The following SLC8A1 variants were observed in gnomAD, a reference collection of about 807,000 sequenced individuals.
SLC8A1 encodes the protein sodium/calcium exchanger 1.
In SLC8A1, 18 loss-of-function variants were observed where a neutral mutation model predicts 68.3. The observed-to-expected ratio is 0.26, with a 90% CI of 0.18 to 0.39. The LOEUF (loss-of-function observed/expected upper bound fraction) is 0.39, where lower values mean the gene tolerates loss of function less well. Among genes scored for constraint, SLC8A1 ranks in the 10% least tolerant of loss-of-function variants. The pLI is 1.00. For synonymous variants in SLC8A1, 475 were observed against 415.5 expected (o/e 1.14, Z -1.74); for missense variants, 985 against 1,156.7 (o/e 0.85, Z 2.15).
At chr2:40,125,418 A>C (rs2037871996) in intron 7 of SLC8A1, among the ~76,000 whole-genome samples, 1 of 152,134 alleles carries the variant, frequency 6.6e-6, no homozygotes, top group African/African-American at 2.4e-5. Context: ...AACTTCACCC[A>C]CTATGAAAGT....
chr2:40,273,879 TTTC>T (rs2066361872), intron 2 of SLC8A1, among the ~76,000 whole-genome samples: 1 of 149,968 alleles, frequency 6.7e-6, no homozygotes, highest in Admixed American at 6.6e-5. Context: ...TTTTTTTTTT[TTTC>T]CATTTTAGTT....
At chr2:40,126,445 G>A (rs1311130227) in intron 7 of SLC8A1, among the ~76,000 whole-genome samples, 1 of 152,186 alleles carries the variant, frequency 6.6e-6, no homozygotes, top group Non-Finnish European at 1.5e-5. Context: ...GGGTCTGTGG[G>A]AGAAGAATCC....
At chr2:40,239,988 T>A (rs189799260) in intron 2 of SLC8A1, among the ~76,000 whole-genome samples, 8 of 152,316 alleles carry the variant, frequency 5.3e-5, no homozygotes, top group Non-Finnish European at 1.0e-4. Context: ...GTCATGTGAA[T>A]GAAATGTCCC....
chr2:40,140,974 C>T (rs1311145465), intron 6 of SLC8A1, among the ~76,000 whole-genome samples: 1 of 152,130 alleles, frequency 6.6e-6, no homozygotes, highest in Non-Finnish European at 1.5e-5. Context: ...AAATAATGCC[C>T]ATTGACATGT....
intron 1 of SLC8A1, among the ~76,000 whole-genome samples, chr2:40,508,805 C>T (rs954300998): frequency 6.6e-6 from 1 of 152,290 alleles, no homozygotes; most frequent in African/African-American, 2.4e-5. Context: ...ATTAGACTGG[C>T]AACCACTTTT....
At chr2:40,220,718 T>A (rs1412798941) in intron 2 of SLC8A1, among the ~76,000 whole-genome samples, 2 of 152,090 alleles carry the variant, frequency 1.3e-5, no homozygotes, top group Non-Finnish European at 2.9e-5. Flanking sequence ...CTCTCTCTAT[T>A]TGTCTCGCTC....
At chr2:40,415,859 T>TACAC (rs70957173) in intron 2 of SLC8A1, among the ~76,000 whole-genome samples, 4,312 of 113,496 alleles carry the variant, frequency 0.038, 112 homozygotes, top group African/African-American at 0.063. Flanking sequence ...ACTAAAAGTA[T>TACAC]ACACACACAC....
chr2:40,419,506 C>G (rs998639084), intron 2 of SLC8A1, among the ~76,000 whole-genome samples: 1 of 152,042 alleles, frequency 6.6e-6, no homozygotes, highest in Non-Finnish European at 1.5e-5. Flanking sequence ...GCCTACCTCT[C>G]CTTCTTACTC....
intron 6 of SLC8A1, among the ~76,000 whole-genome samples, chr2:40,142,922 A>G (rs1452206577): frequency 2.0e-5 from 3 of 151,556 alleles, no homozygotes; most frequent in African/African-American, 7.3e-5. Flanking sequence ...CTTCATGATC[A>G]ATTAATGCAA....
chr2:40,298,109 T>C (rs1294520383), intron 2 of SLC8A1, among the ~76,000 whole-genome samples: 1 of 152,142 alleles, frequency 6.6e-6, no homozygotes. Context: ...CTCGAACTCC[T>C]GAACTCAGAT....
intron 6 of SLC8A1, among the ~76,000 whole-genome samples, chr2:40,147,284 A>G (rs1423458068): frequency 6.6e-6 from 1 of 152,184 alleles, no homozygotes; most frequent in African/African-American, 2.4e-5. Context: ...AGTTTAATGT[A>G]ATTAGTCATG....
chr2:40,173,686 T>C (rs2047953485), intron 4 of SLC8A1, among the ~76,000 whole-genome samples: 1 of 147,334 alleles, frequency 6.8e-6, no homozygotes, highest in Non-Finnish European at 1.5e-5. Context: ...TATATTTTCT[T>C]CTAAATATTT....
exon 8 of SLC8A1, chr2:40,103,465 A>T (rs1161695048): frequency 6.6e-6 from 1 of 152,122 alleles, no homozygotes; most frequent in Non-Finnish European, 1.5e-5. Flanking sequence ...ATTTTTTCTC[A>T]TCTTCCTTTA....
At chr2:40,342,611 A>T (rs540350084) in intron 2 of SLC8A1, among the ~76,000 whole-genome samples, 63 of 152,278 alleles carry the variant, frequency 4.1e-4, no homozygotes, top group African/African-American at 1.5e-3. Flanking sequence ...GGGGGCCAAC[A>T]TGCTGTTAGA....
chr2:40,417,096 G>T (rs1405134404), intron 2 of SLC8A1, among the ~76,000 whole-genome samples: 1 of 152,120 alleles, frequency 6.6e-6, no homozygotes, highest in East Asian at 1.9e-4. Flanking sequence ...TGAAGATTAT[G>T]CAGAGTTCTC....
At chr2:40,428,965 G>A (rs774087244) in exon 2 of SLC8A1, 2 of 1,613,830 alleles carry the variant, frequency 1.2e-6, no homozygotes, top group African/African-American at 2.7e-5. Flanking sequence ...AACAAACACA[G>A]TGTTAGTCAA....
intron 2 of SLC8A1, among the ~76,000 whole-genome samples, chr2:40,212,895 C>G (rs1321200566): frequency 6.6e-6 from 1 of 151,992 alleles, no homozygotes; most frequent in Admixed American, 6.6e-5. Flanking sequence ...TTTAGGGCAA[C>G]AAAGCATGTG....
At chr2:40,443,801 C>T (rs546108792) in intron 1 of SLC8A1, among the ~76,000 whole-genome samples, 17 of 152,316 alleles carry the variant, frequency 1.1e-4, no homozygotes, top group South Asian at 2.1e-4. Flanking sequence ...TAACAATCTG[C>T]AGCTGTGATA....
intron 6 of SLC8A1, among the ~76,000 whole-genome samples, chr2:40,152,137 C>T (rs2043552739): frequency 6.6e-6 from 1 of 152,010 alleles, no homozygotes; most frequent in Non-Finnish European, 1.5e-5. Flanking sequence ...AAGTTAGAGT[C>T]CTAAATTTCT....
Sources: gnomAD v4.1 joint callset for allele counts (sites outside exome capture counted in the v4.1 genomes callset) on GRCh38, gnomAD v4.1.1 for gene constraint, MANE v1.5 for transcripts, NCBI Gene and HGNC (gene_info 2026-07-23, HGNC 2026-07-21) for gene names.